The following SGCZ variants were observed in gnomAD, a reference collection of about 807,000 sequenced individuals.
SGCZ encodes the protein sarcoglycan zeta, also known as zeta-sarcoglycan.
SGCZ carries 40 observed loss-of-function variants against 41.3 expected under a neutral mutation model. The observed-to-expected ratio is 0.97, with a 90% confidence interval of 0.75 to 1.26. The LOEUF (loss-of-function observed/expected upper bound fraction) is 1.26, where lower values mean the gene tolerates loss of function less well. Among genes scored for constraint, SGCZ ranks in the 50% most tolerant of loss-of-function variants. The probability of loss-of-function intolerance (pLI) is 0.00; values close to 1 mark genes in which losing one functional copy is unlikely to be tolerated. For synonymous variants in SGCZ, 206 were observed against 137.5 expected (o/e 1.50, Z -3.49); for missense variants, 552 against 369.8 (o/e 1.49, Z -4.04).
chr8:14,398,931 G>A (rs1032683856), intron 2 of SGCZ, among the ~76,000 whole-genome samples: 10 of 151,994 alleles, frequency 6.6e-5, no homozygotes, highest in Non-Finnish European at 1.3e-4. Context: ...GCATTCTTCC[G>A]TTACAATTTT....
Position 14,297,892 on chromosome 8 carries a change from G to A in SGCZ, c.336+26211C>T, listed in dbSNP as rs189450532. 3.4e-3 allele frequency among the ~76,000 whole-genome samples: 512 copies of A among 152,010 alleles called. 2 individuals carry two copies. The highest frequency in any genetic ancestry group is 0.011 in the African/African-American group (449 of 41,490). ...GGAGAAGACTTTGCCACTCATTTTAGGAGGGAGAATGAATGGTGATAATAC... is the reference window on the plus strand; with the variant it reads ...GGAGAAGACTTTGCCACTCATTTTAAGAGGGAGAATGAATGGTGATAATAC... On this transcript the variant is annotated intron_variant, in intron 3 of 7. Coordinates refer to ENST00000382080, the MANE Select transcript of SGCZ (RefSeq NM_139167.4).
intron 2 of SGCZ, among the ~76,000 whole-genome samples, chr8:14,548,183 T>C (rs1803690367): frequency 6.6e-6 from 1 of 152,110 alleles, no homozygotes; most frequent in African/African-American, 2.4e-5. Context: ...TTTAAATAAC[T>C]TGCACGAGGT....
At chr8:14,115,035 T>A (rs1802482012) in intron 5 of SGCZ, among the ~76,000 whole-genome samples, 1 of 151,966 alleles carries the variant, frequency 6.6e-6, no homozygotes, top group Non-Finnish European at 1.5e-5. Flanking sequence ...ATTTTCTAAT[T>A]CCTACCTCCA....
At chr8:14,252,699 A>T (rs950274950) in intron 3 of SGCZ, among the ~76,000 whole-genome samples, 3 of 152,190 alleles carry the variant, frequency 2.0e-5, no homozygotes, top group African/African-American at 7.2e-5. Flanking sequence ...AAAATTTTCA[A>T]GAGGCTCAAG....
At chr8:15,075,575 G>C (rs969685030) in intron 1 of SGCZ, among the ~76,000 whole-genome samples, 2 of 152,092 alleles carry the variant, frequency 1.3e-5, no homozygotes, top group African/African-American at 4.8e-5. Context: ...TGTGACCAAA[G>C]GCAGAAAACT....
intron 2 of SGCZ, among the ~76,000 whole-genome samples, chr8:14,428,672 C>T (rs530511094): frequency 2.6e-5 from 4 of 152,256 alleles, no homozygotes; most frequent in South Asian, 4.1e-4. Flanking sequence ...GAATCGGTTA[C>T]GTGCATCCAA....
chr8:14,811,059 A>T (rs1160355221), intron 1 of SGCZ, among the ~76,000 whole-genome samples: 1 of 152,030 alleles, frequency 6.6e-6, no homozygotes, highest in Non-Finnish European at 1.5e-5. Context: ...GAAATAGAAG[A>T]AAGCTAAGCT....
intron 4 of SGCZ, among the ~76,000 whole-genome samples, chr8:14,220,500 C>G (rs1806155430): frequency 6.6e-6 from 1 of 152,100 alleles, no homozygotes; most frequent in African/African-American, 2.4e-5. Context: ...TGCACTGCTG[C>G]CTTCACTTTG....
At chr8:14,440,869 A>ACACACG (rs1563331139) in intron 2 of SGCZ, among the ~76,000 whole-genome samples, 1 of 151,636 alleles carries the variant, frequency 6.6e-6, no homozygotes, top group Non-Finnish European at 1.5e-5. Context: ...ACACACACAC[A>ACACACG]CACGCACACA....
chr8:14,203,987 G>A (rs35359659), intron 4 of SGCZ, among the ~76,000 whole-genome samples: 36,243 of 151,846 alleles, frequency 0.24, 5,550 homozygotes, highest in Non-Finnish European at 0.34. Context: ...GGGAAAGAGC[G>A]CTCCAAGAAG....
At chr8:14,621,305 G>A (rs1188329754) in intron 1 of SGCZ, among the ~76,000 whole-genome samples, 1 of 103,822 alleles carries the variant, frequency 9.6e-6, no homozygotes, top group Admixed American at 1.4e-4. Flanking sequence ...GGGGAGGGGG[G>A]AGGGATAGCA....
chr8:14,504,766 G>A (rs983901354), intron 2 of SGCZ, among the ~76,000 whole-genome samples: 5 of 152,086 alleles, frequency 3.3e-5, no homozygotes, highest in African/African-American at 9.7e-5. Flanking sequence ...TCTGGAAGAG[G>A]TCCTAGCCTG....
At chr8:14,416,064 G>A (rs1256426884) in intron 2 of SGCZ, among the ~76,000 whole-genome samples, 2 of 151,926 alleles carry the variant, frequency 1.3e-5, no homozygotes, top group Admixed American at 6.6e-5. Context: ...ATATTCAAAT[G>A]CTACTTGAGG....
At chr8:14,637,405 G>A (rs191790041) in intron 1 of SGCZ, among the ~76,000 whole-genome samples, 2 of 151,476 alleles carry the variant, frequency 1.3e-5, no homozygotes, top group African/African-American at 2.4e-5. Flanking sequence ...TTTGGAGCAT[G>A]GATCCCATCA....
intron 1 of SGCZ, among the ~76,000 whole-genome samples, chr8:14,624,716 G>T (rs960579352): frequency 6.6e-6 from 1 of 151,364 alleles, no homozygotes; most frequent in Non-Finnish European, 1.5e-5. Context: ...CACTACAGAT[G>T]TGCGCCACCA....
intron 1 of SGCZ, among the ~76,000 whole-genome samples, chr8:15,039,179 A>G (rs963693575): frequency 6.6e-6 from 1 of 152,170 alleles, no homozygotes; most frequent in Non-Finnish European, 1.5e-5. Flanking sequence ...CTGAACTCCT[A>G]TGTTCACTCC....
At chr8:15,096,884 A>C (rs558911714) in intron 1 of SGCZ, among the ~76,000 whole-genome samples, 3 of 152,038 alleles carry the variant, frequency 2.0e-5, no homozygotes, top group East Asian at 3.9e-4. Context: ...ATGGGGTTTC[A>C]CCGTGTTAGC....
At chr8:15,211,992 A>C (rs141284304) in intron 1 of SGCZ, among the ~76,000 whole-genome samples, 3 of 152,132 alleles carry the variant, frequency 2.0e-5, no homozygotes, top group Admixed American at 6.6e-5. Flanking sequence ...AACAAATGAA[A>C]TGTTATCAGA....
chr8:14,212,978 A>C (rs901680693), intron 4 of SGCZ, among the ~76,000 whole-genome samples: 1 of 152,150 alleles, frequency 6.6e-6, no homozygotes, highest in Non-Finnish European at 1.5e-5. Context: ...CAGGAGATGT[A>C]ATCAATGAGC....
Sources: allele counts gnomAD v4.1 joint callset (sites outside exome capture counted in the v4.1 genomes callset), GRCh38; gene constraint gnomAD v4.1.1; transcripts MANE v1.5; gene names NCBI Gene and HGNC (gene_info 2026-07-23, HGNC 2026-07-21).